The following MACROD1 variants were observed in gnomAD, a reference collection of about 807,000 sequenced individuals.
MACROD1 encodes ADP-ribose glycohydrolase MACROD1.
Under a neutral mutation model 41.4 loss-of-function variants are expected in MACROD1, and 31 were observed. The observed-to-expected ratio is 0.75, with a 90% CI of 0.56 to 1.01. The LOEUF (loss-of-function observed/expected upper bound fraction) is 1.01, where lower values mean the gene tolerates loss of function less well. Ranked by LOEUF, MACROD1 falls within the 50% of genes least tolerant of loss-of-function variation. The probability of loss-of-function intolerance (pLI) is 0.00; values close to 1 mark genes in which losing one functional copy is unlikely to be tolerated. For synonymous variants in MACROD1, 252 were observed against 203.4 expected, an observed-to-expected ratio of 1.24 and a Z score of -2.03; for missense variants, 473 against 460.0, an observed-to-expected ratio of 1.03 and a Z score of -0.26.
chr11:64,138,967 A>C (rs1417921659), intron 3 of MACROD1, among the ~76,000 whole-genome samples: 2 of 152,104 alleles, frequency 1.3e-5, no homozygotes, highest in Admixed American at 6.5e-5. Flanking sequence ...GGGTTTCACT[A>C]TCTTGGCCAG....
chr11:64,145,506 T>G (rs1357560974), intron 3 of MACROD1, among the ~76,000 whole-genome samples: 3 of 152,200 alleles, frequency 2.0e-5, no homozygotes, highest in Admixed American at 6.5e-5. Context: ...TCCTCACCCC[T>G]GCCCTTCGGT....
intron 3 of MACROD1, among the ~76,000 whole-genome samples, chr11:64,050,981 G>A (rs1943682683): frequency 6.6e-6 from 1 of 152,238 alleles, no homozygotes. Flanking sequence ...CCTGTCCCCT[G>A]AGCCCCACTC....
intron 1 of MACROD1, among the ~76,000 whole-genome samples, chr11:64,155,496 G>A (rs1945653477): frequency 6.6e-6 from 1 of 152,258 alleles, no homozygotes; most frequent in Admixed American, 6.5e-5. Flanking sequence ...GACAAGGCAG[G>A]CCTTCCCTTG....
intron 3 of MACROD1, among the ~76,000 whole-genome samples, chr11:64,097,963 G>A (rs1944607289): frequency 6.6e-6 from 1 of 152,156 alleles, no homozygotes; most frequent in Non-Finnish European, 1.5e-5. Flanking sequence ...TCAGCACCCA[G>A]GCCTGTCTTC....
intron 3 of MACROD1, among the ~76,000 whole-genome samples, chr11:64,051,279 G>A (rs1304155337): frequency 6.6e-6 from 1 of 152,222 alleles, no homozygotes; most frequent in East Asian, 1.9e-4. Context: ...GGGAGGGGCT[G>A]GTCCCTCTTT....
chr11:64,006,391 G>A (rs998039746), intron 4 of MACROD1, among the ~76,000 whole-genome samples: 3 of 152,348 alleles, frequency 2.0e-5, no homozygotes, highest in South Asian at 2.1e-4. Context: ...CAGCCCAGCA[G>A]GGTGCAGAGC....
chr11:64,068,920 AC>A (rs1944055496), intron 3 of MACROD1, among the ~76,000 whole-genome samples: 1 of 151,828 alleles, frequency 6.6e-6, no homozygotes, highest in African/African-American at 2.4e-5. Flanking sequence ...ATCCGTGTGA[AC>A]CCCCACCCCA....
At chr11:64,043,092 C>G (rs879722080) in intron 3 of MACROD1, among the ~76,000 whole-genome samples, 1 of 152,228 alleles carries the variant, frequency 6.6e-6, no homozygotes, top group East Asian at 1.9e-4. Context: ...GGACGCCTCA[C>G]GTCCCCTCTC....
intron 1 of MACROD1, among the ~76,000 whole-genome samples, chr11:64,160,852 T>C (rs1027813403): frequency 1.3e-5 from 2 of 149,728 alleles, no homozygotes; most frequent in African/African-American, 4.9e-5. Flanking sequence ...CACAGTTTTA[T>C]TCACAAGAAA....
At chr11:64,069,699 C>T (rs1265221515) in intron 3 of MACROD1, among the ~76,000 whole-genome samples, 3 of 152,196 alleles carry the variant, frequency 2.0e-5, no homozygotes, top group Admixed American at 6.5e-5. Flanking sequence ...GCAGAGCAGG[C>T]GGTGGTGGGG....
At position 63,998,861 on chromosome 11, in the gene MACROD1, G is replaced by A. The variant is rs762567840; in HGVS notation, c.*7C>T. The stretch of plus-strand genomic sequence containing the variant: ...ACCAGTCCCGGTCAGGGTGGGCTGC[G>A]GGAGCCTCAGGCTGGAAGGCAGAGG... On this transcript the variant is annotated 3_prime_UTR_variant, in exon 10 of 11. Transcript: ENST00000255681. The A allele has an allele frequency of 5.7e-6, 9 of 1,591,590 alleles. No homozygotes were observed. The East Asian group carries it at 9.0e-5, about 16-fold the overall frequency.
At chr11:64,133,292 A>C (rs1049644546) in intron 3 of MACROD1, among the ~76,000 whole-genome samples, 11 of 152,172 alleles carry the variant, frequency 7.2e-5, no homozygotes, top group African/African-American at 2.7e-4. Context: ...TGGAAAGAAG[A>C]CTGGCAGGAA....
intron 3 of MACROD1, among the ~76,000 whole-genome samples, chr11:64,058,841 A>AG (rs540443844): frequency 3.3e-5 from 5 of 152,122 alleles, no homozygotes; most frequent in Non-Finnish European, 7.4e-5. Flanking sequence ...GCAGCCGGCA[A>AG]GGGGGGGTAG....
intron 3 of MACROD1, among the ~76,000 whole-genome samples, chr11:64,061,864 C>A (rs1294794496): frequency 6.7e-6 from 1 of 149,076 alleles, no homozygotes; most frequent in Non-Finnish European, 1.5e-5. Context: ...GCGTGTGCCA[C>A]CACGCTGGCT....
intron 8 of MACROD1, 70 bp from the exon 9 acceptor site, chr11:63,999,106 C>T (rs1252413363): frequency 2.1e-6 from 3 of 1,453,126 alleles, no homozygotes; most frequent in African/African-American, 1.4e-5. Context: ...ACTGCCTGCC[C>T]TGGTGCAGGC....
rs1421409030 is a variant in MACROD1 at position 64,122,551 on chromosome 11, C to G, written c.517+28688G>C. On this transcript the variant is annotated intron_variant, in intron 3 of 10. Transcript: ENST00000255681. The surrounding 1 kb of genome is among the most constrained non-coding windows in gnomAD (Gnocchi z 4.0). ...AACCCTCCCTCTGAGCCCAGCCCAG[C>G]CCTGTCCGAACAAAGCCAGGCAGAG... Among the ~76,000 whole-genome samples the G allele has an allele frequency of 1.3e-5, 2 of 152,268 alleles. No individual in the cohort carries two copies. The highest frequency in any genetic ancestry group is 2.9e-5 in the Non-Finnish European group (2 of 68,046).
At chr11:64,051,560 G>A (rs1943695794) in intron 3 of MACROD1, among the ~76,000 whole-genome samples, 1 of 152,230 alleles carries the variant, frequency 6.6e-6, no homozygotes, top group South Asian at 2.1e-4. Flanking sequence ...TGTTTGTGCA[G>A]AGACTAAATC....
chr11:64,004,122 C>T (rs1942870843), intron 4 of MACROD1, among the ~76,000 whole-genome samples: 2 of 152,252 alleles, frequency 1.3e-5, no homozygotes. Flanking sequence ...AGGCATCTCC[C>T]TGCTTTGCTG....
intron 1 of MACROD1, among the ~76,000 whole-genome samples, 170 bp downstream of exon 1, chr11:64,165,519 CGCGCGGGG>C (rs989768142): frequency 1.3e-5 from 2 of 151,958 alleles, no homozygotes; most frequent in African/African-American, 4.8e-5. Context: ...GCTGGGAACA[CGCGCGGGG>C]GCGGGGGGGG....
Sources: allele counts gnomAD v4.1 joint callset (sites outside exome capture counted in the v4.1 genomes callset), GRCh38; gene constraint gnomAD v4.1.1; non-coding constraint Gnocchi (gnomAD v3.1); transcripts MANE v1.5; gene names NCBI Gene and HGNC (gene_info 2026-07-23, HGNC 2026-07-21).